Variants in ARHGAP20 observed in about 807,000 individuals in gnomAD.
The protein encoded by ARHGAP20 is Rho GTPase activating protein 20.
Under a neutral mutation model 73.7 loss-of-function variants are expected in ARHGAP20, and 34 were observed. The observed-to-expected ratio is 0.46, with a 90% CI of 0.35 to 0.61. The LOEUF (loss-of-function observed/expected upper bound fraction) is 0.61. Ranked by LOEUF, ARHGAP20 falls within the 20% of genes least tolerant of loss-of-function variation. ARHGAP20 has a pLI of 0.00. For missense variants in ARHGAP20, 1,314 were observed against 1,420.9 expected (o/e 0.92, Z 1.21); for synonymous variants, 523 against 518.2 (o/e 1.01, Z -0.13).
At chr11:110,683,516 CAACA>C (rs1565475754) in intron 2 of ARHGAP20, among the ~76,000 whole-genome samples, 1 of 152,010 alleles carries the variant, frequency 6.6e-6, no homozygotes, top group Non-Finnish European at 1.5e-5. Flanking sequence ...CTAATTCATC[CAACA>C]AATAATAACT....
In ARHGAP20 at chr11:110,624,175, C is replaced by A; in HGVS notation, c.490G>T (p.Val164Leu). 1 of 1,610,804 alleles carries A rather than the reference C, an allele frequency of 6.2e-7. No individual in the cohort carries two copies. The highest frequency in any genetic ancestry group is 8.5e-7 in the Non-Finnish European group (1 of 1,179,176). Residue 164 changes from valine (V) to leucine (L), a missense_variant, in exon 4 of 15, where the codon GTG becomes TTG. Around this residue, in one of 3 missense-constraint regions of ARHGAP20, gnomAD observed 443 missense variants for 466.4 expected, o/e 0.95. Coordinates refer to ENST00000683387, the MANE Select transcript of ARHGAP20 (RefSeq NM_001384657.1). ...FVLGWPTVNF[V>L]ATFSSPEQKD... ...TGTGGTTCTTACCTGAAAGTGGCCACAAAGTTCACTGTGGGCCAGCCCAAA... is the reference window on the plus strand; with the variant it reads ...TGTGGTTCTTACCTGAAAGTGGCCAAAAAGTTCACTGTGGGCCAGCCCAAA...
At chr11:110,660,218 T>C (rs1010407684) in intron 2 of ARHGAP20, among the ~76,000 whole-genome samples, 20 of 152,118 alleles carry the variant, frequency 1.3e-4, no homozygotes, top group Non-Finnish European at 2.2e-4. Flanking sequence ...AATCGGCGTT[T>C]CTAACTTGTT....
intron 1 of ARHGAP20, among the ~76,000 whole-genome samples, chr11:110,710,637 G>T (rs894453797): frequency 6.6e-6 from 1 of 152,182 alleles, no homozygotes; most frequent in African/African-American, 2.4e-5. Context: ...AAGGGGAAAA[G>T]CGACAAGGAC....
chr11:110,709,824 A>T (rs1950613844), intron 1 of ARHGAP20, among the ~76,000 whole-genome samples: 1 of 152,242 alleles, frequency 6.6e-6, no homozygotes, highest in Non-Finnish European at 1.5e-5. Flanking sequence ...CAGGATTTTA[A>T]GCAGGTAAGC....
At chr11:110,633,907 G>A (rs959876376) in intron 2 of ARHGAP20, among the ~76,000 whole-genome samples, 2 of 152,112 alleles carry the variant, frequency 1.3e-5, no homozygotes, top group African/African-American at 4.8e-5. Flanking sequence ...TCAAAGACAG[G>A]TGCATAAATA....
intron 7 of ARHGAP20, 93 bp from the exon 8 acceptor site, chr11:110,609,143 C>T: frequency 9.8e-7 from 1 of 1,023,978 alleles, no homozygotes. Context: ...TGTGTCCTCC[C>T]TCCTGCCCCC....
Position 110,581,235 on chromosome 11 carries a change from A to G in ARHGAP20, c.1721-10T>C. On this transcript the variant is annotated splice_polypyrimidine_tract_variant and intron_variant, in intron 14 of 14. Coordinates refer to ENST00000683387, the MANE Select transcript of ARHGAP20 (RefSeq NM_001384657.1). ...TGAAAGCAAGAAATATCTGTCAAAA[A>G]AATTAAACCATGATTAACATATTTA... is the stretch of plus-strand genomic sequence containing the variant. 1 of 1,594,304 alleles carries G rather than the reference A, an allele frequency of 6.3e-7. No homozygotes were observed. The highest frequency in any genetic ancestry group is 8.5e-7 in the Non-Finnish European group (1 of 1,170,542).
chr11:110,606,647 G>A lies in ARHGAP20; in HGVS notation c.878C>T (p.Pro293Leu). The A allele has an allele frequency of 6.2e-7, 1 of 1,610,722 alleles. No homozygotes were observed. The highest frequency in any genetic ancestry group is 1.7e-5 in the Admixed American group (1 of 58,966). Residue 293 changes from proline to leucine, a missense_variant, in exon 9 of 15, where the codon CCC (proline) becomes CTC (leucine). Physicochemically the swap from Pro to Leu is moderately conservative, Grantham distance 98. Around this residue, in one of 3 missense-constraint regions of ARHGAP20, gnomAD observed 443 missense variants for 466.4 expected, o/e 0.95. Coordinates refer to ENST00000683387, the MANE Select transcript of ARHGAP20 (RefSeq NM_001384657.1). ...DSTTPFNLQE[P>L]FLMEQLPREM... ...TCGGGGGAGCTGTTCCATAAGGAAGGGCTCCTGGAGGTTGAAAGGGGTGGT... is the reference window on the plus strand; with the variant it reads ...TCGGGGGAGCTGTTCCATAAGGAAGAGCTCCTGGAGGTTGAAAGGGGTGGT...
Position 110,628,406 on chromosome 11 carries a change from C to A in ARHGAP20, c.353+2222G>T, listed in dbSNP as rs566164286. 5.9e-5 allele frequency among the ~76,000 whole-genome samples: 9 copies of A among 152,238 alleles called. 1 individual carries two copies. The highest frequency in any genetic ancestry group is 1.9e-4 in the African/African-American group (8 of 41,548). On this transcript the variant is annotated intron_variant, in intron 3 of 14. Coordinates refer to ENST00000683387, the MANE Select transcript of ARHGAP20 (RefSeq NM_001384657.1). Reference sequence around the variant, plus strand: ...ATTGTTATTTCATAAAAATTAAGTTCTTTCATATTAAGAAGGATCTGTGAA... The same window carrying A: ...ATTGTTATTTCATAAAAATTAAGTTATTTCATATTAAGAAGGATCTGTGAA...
Position 110,577,912 on chromosome 11 carries a change from T to G in ARHGAP20, c.*1458A>C. ...AACATTTGATATGACCATTTTCTGG[T>G]GATTAATAAGACAAATAATTTGGAA... is the stretch of plus-strand genomic sequence containing the variant. On this transcript the variant is annotated 3_prime_UTR_variant, in exon 15 of 15. Transcript: ENST00000683387. 1 of 985,706 alleles carries G rather than the reference T, an allele frequency of 1.0e-6. No homozygotes were observed. The highest frequency in any genetic ancestry group is 1.2e-6 in the Non-Finnish European group (1 of 829,816). 61.1% of individuals were successfully genotyped at this position (985,706 alleles called of 1,614,324 possible).
intron 9 of ARHGAP20, among the ~76,000 whole-genome samples, chr11:110,602,386 T>C (rs1315937353): frequency 2.6e-5 from 4 of 152,256 alleles, no homozygotes; most frequent in African/African-American, 9.6e-5. Context: ...TTACAGAATA[T>C]AATATGCGTC....
chr11:110,696,758 T>TTTA (rs1376289443), intron 1 of ARHGAP20, among the ~76,000 whole-genome samples: 1 of 151,658 alleles, frequency 6.6e-6, no homozygotes, highest in Non-Finnish European at 1.5e-5. Flanking sequence ...CAGTGTTTAT[T>TTTA]ATTTCCATCT....
intron 7 of ARHGAP20, among the ~76,000 whole-genome samples, chr11:110,610,607 C>G (rs1197658989): frequency 6.6e-6 from 1 of 152,026 alleles, no homozygotes; most frequent in African/African-American, 2.4e-5. Flanking sequence ...GGACAGTCTT[C>G]CAGTTCTCTT....
intron 1 of ARHGAP20, among the ~76,000 whole-genome samples, chr11:110,697,748 T>C (rs961991762): frequency 1.3e-5 from 2 of 151,876 alleles, no homozygotes; most frequent in African/African-American, 2.4e-5. Context: ...ATATGGCTTA[T>C]TTCTGGGTTC....
intron 1 of ARHGAP20, among the ~76,000 whole-genome samples, chr11:110,701,197 G>C (rs1280253953): frequency 6.7e-6 from 1 of 150,200 alleles, no homozygotes; most frequent in African/African-American, 2.5e-5. Flanking sequence ...CTAGTTTACA[G>C]TCCAACAGTG....
chr11:110,677,810 G>C (rs1476812519), intron 2 of ARHGAP20, among the ~76,000 whole-genome samples: 2 of 152,242 alleles, frequency 1.3e-5, no homozygotes, highest in Middle Eastern at 3.4e-3. Flanking sequence ...CACTGCCTTG[G>C]AGAATAGTTT....
rs771614734 is a variant in ARHGAP20 at position 110,580,358 on chromosome 11, A to C, written c.2588T>G (p.Ile863Ser). The C allele has an allele frequency of 3.1e-6, 5 of 1,614,214 alleles. 1 individual carries two copies. In the South Asian group the frequency reaches 5.5e-5, roughly 18 times the overall value. The change falls in exon 15 of 15, where the codon ATT (isoleucine) becomes AGT (serine). Residue 863 changes from isoleucine (I) to serine (S), a missense_variant. Coordinates refer to ENST00000683387, the MANE Select transcript of ARHGAP20 (RefSeq NM_001384657.1). ...QNRKLTYLRG[I>S]YSKKQHKTSC... ...GGTTTTATGTTGTTTCTTTGAATAA[A>C]TTCCCCTGAGATAGGTCAGCTTGCG...
Position 110,581,156 on chromosome 11 carries a change from TCAA to T in ARHGAP20, c.1787_1789del (p.Val596del), listed in dbSNP as rs1286854985. ...CTTTACCAAGTCACTGCATGGTGCA[TCAA>T]CATCCTCATTTAGCTCATTTTCCAA... On this transcript the variant is annotated inframe_deletion, in exon 15 of 15. Transcript: ENST00000683387. 1.9e-6 allele frequency: 3 copies of T among 1,614,088 alleles called. No homozygotes were observed. The Admixed American group carries it at 5.0e-5, about 27-fold the overall frequency.
intron 2 of ARHGAP20, among the ~76,000 whole-genome samples, chr11:110,677,643 T>G (rs1846680108): frequency 1.3e-5 from 2 of 150,338 alleles, no homozygotes; most frequent in Non-Finnish European, 3.0e-5. Context: ...AGACTCTGTC[T>G]CAGGAAAAAC....
Sources: gnomAD v4.1 joint callset for allele counts (sites outside exome capture counted in the v4.1 genomes callset) on GRCh38, gnomAD v4.1.1 for gene constraint, gnomAD v4.1.1 regional missense constraint, MANE v1.5 for transcripts, NCBI Gene and HGNC (gene_info 2026-07-23, HGNC 2026-07-21) for gene names.